NINJ2: variants seen among roughly 807,000 people sequenced by gnomAD.
The protein encoded by NINJ2 is ninjurin 2, also known as ninjurin-2.
A neutral mutation model predicts 11.7 loss-of-function variants in NINJ2; 12 were observed. The observed-to-expected ratio is 1.02, with a 90% CI of 0.66 to 1.66. The LOEUF is 1.66. Ranked by LOEUF, NINJ2 falls within the 40% of genes most tolerant of loss-of-function variation. NINJ2 has a pLI of 0.00. For missense variants in NINJ2, 187 were observed against 181.8 expected (o/e 1.03, Z -0.16); for synonymous variants, 93 against 76.8 (o/e 1.21, Z -1.10).
intron 1 of NINJ2, among the ~76,000 whole-genome samples, chr12:659,035 CTATTATA>C (rs1488543540): frequency 2.1e-5 from 3 of 144,194 alleles, no homozygotes; most frequent in Non-Finnish European, 4.5e-5. Flanking sequence ...TATATAACTG[CTATTATA>C]TATTATATAT....
intron 1 of NINJ2, among the ~76,000 whole-genome samples, chr12:575,025 G>C (rs76509898): frequency 0.012 from 1,828 of 152,336 alleles, 40 homozygotes; most frequent in African/African-American, 0.042. Flanking sequence ...TGTGGGCCTA[G>C]AGGCATTTCA....
chr12:661,242 C>T (rs961852949), intron 1 of NINJ2, among the ~76,000 whole-genome samples: 1 of 152,100 alleles, frequency 6.6e-6, no homozygotes, highest in Non-Finnish European at 1.5e-5. Context: ...CCATGCCTAG[C>T]TAATTACTTT....
intron 1 of NINJ2, among the ~76,000 whole-genome samples, chr12:616,511 C>G (rs1414127788): frequency 6.6e-6 from 1 of 152,184 alleles, no homozygotes. Context: ...ATCATCTGTG[C>G]GTGAGCTTCA....
chr12:652,402 T>C (rs914812154), intron 1 of NINJ2, among the ~76,000 whole-genome samples: 9 of 152,306 alleles, frequency 5.9e-5, no homozygotes, highest in African/African-American at 2.2e-4. Flanking sequence ...AGTAGCTCTG[T>C]CTTGCAAGAA....
intron 1 of NINJ2, among the ~76,000 whole-genome samples, chr12:642,448 C>A (rs1046436031): frequency 4.6e-5 from 7 of 152,162 alleles, no homozygotes; most frequent in Non-Finnish European, 2.9e-5. Context: ...CCAGGATGGT[C>A]TTGAACTCCT....
chr12:657,892 A>G (rs909354750), intron 1 of NINJ2, among the ~76,000 whole-genome samples: 16 of 151,624 alleles, frequency 1.1e-4, no homozygotes, highest in Non-Finnish European at 1.8e-4. Flanking sequence ...TTCTTCCAAA[A>G]CTCAACACAC....
intron 1 of NINJ2, among the ~76,000 whole-genome samples, chr12:602,661 C>T (rs117957685): frequency 0.051 from 7,793 of 152,228 alleles, 261 homozygotes; most frequent in Non-Finnish European, 0.074. Flanking sequence ...CTGTGATTAG[C>T]TTTTTGAGGA....
At chr12:649,777 A>G (rs1319767308) in intron 1 of NINJ2, among the ~76,000 whole-genome samples, 1 of 151,984 alleles carries the variant, frequency 6.6e-6, no homozygotes, top group Non-Finnish European at 1.5e-5. Flanking sequence ...TTTTTCCAAT[A>G]GTTTTCCTAC....
intron 1 of NINJ2, among the ~76,000 whole-genome samples, chr12:611,325 T>C (rs1009026072): frequency 6.6e-6 from 1 of 151,142 alleles, no homozygotes; most frequent in Admixed American, 6.6e-5. Flanking sequence ...CTCTCTCTCT[T>C]TCTTTCTTTT....
Position 565,336 on chromosome 12 carries a change from T to C in NINJ2, c.328A>G (p.Ile110Val), listed in dbSNP as rs753801235. The C allele has an allele frequency of 3.7e-6, 6 of 1,614,214 alleles. No homozygotes were observed. The East Asian group carries it at 8.9e-5, about 24-fold the overall frequency. The change falls in exon 3 of 4, where the codon ATC (isoleucine) becomes GTC (valine). Residue 110 changes from isoleucine (I) to valine (V), a missense_variant. Physicochemically the swap from Ile to Val is conservative, Grantham distance 29. Transcript: ENST00000305108. The stretch of plus-strand genomic sequence containing the variant: ...ATGACCACAGTGAAGAAGACCAAGA[T>C]GGTGGCTGCGTTGTTGAGCTGGTTG... ...RLNQLNNAAT[I>V]LVFFTVVINV... is the part of the protein sequence containing the mutation.
intron 1 of NINJ2, among the ~76,000 whole-genome samples, chr12:588,176 C>CGGAGGGGACGGAAGGGAG (rs1947668163): frequency 7.0e-6 from 1 of 142,412 alleles, no homozygotes; most frequent in African/African-American, 2.6e-5. Context: ...ACGGAAGGGA[C>CGGAGGGGACGGAAGGGAG]GGAAGGGACG....
At chr12:601,376 C>T (rs577671704) in intron 1 of NINJ2, among the ~76,000 whole-genome samples, 133 of 150,352 alleles carry the variant, frequency 8.8e-4, no homozygotes, top group African/African-American at 3.2e-3. Context: ...GAAACCCCGT[C>T]TCTACTAAAA....
At chr12:624,530 C>T (rs562914276) in intron 1 of NINJ2, among the ~76,000 whole-genome samples, 78 of 152,054 alleles carry the variant, frequency 5.1e-4, no homozygotes, top group Admixed American at 3.3e-4. Flanking sequence ...TATATATGGC[C>T]GGGCACAGTG....
In NINJ2 at chr12:663,320, G is replaced by T. The variant is rs772988704; in HGVS notation, c.33+8C>A. The T allele has an allele frequency of 3.7e-6, 6 of 1,613,672 alleles. No homozygotes were observed. Among genetic ancestry groups the T allele is most frequent in the Non-Finnish European group, 4.2e-6 (5 of 1,179,728 alleles). ...TCTCCCCTCTGCTCTCTTCCAGAGA[G>T]AACTTACTTGAAGGTCGATGTTTTC... On this transcript the variant is annotated splice_region_variant and intron_variant, in intron 1 of 3. Transcript: ENST00000305108.
At chr12:660,289 TAAAAA>T (rs776762900) in intron 1 of NINJ2, among the ~76,000 whole-genome samples, 1 of 107,732 alleles carries the variant, frequency 9.3e-6, no homozygotes, top group Non-Finnish European at 1.8e-5. Flanking sequence ...TCCTGTCTGT[TAAAAA>T]AAAAAAAAAA....
intron 1 of NINJ2, among the ~76,000 whole-genome samples, chr12:613,681 A>G (rs918407835): frequency 1.3e-5 from 2 of 152,148 alleles, no homozygotes; most frequent in South Asian, 2.1e-4. Context: ...TGAGGCGGGC[A>G]GATCACGAGG....
At chr12:626,776 T>C (rs1180727259) in intron 1 of NINJ2, among the ~76,000 whole-genome samples, 1 of 152,104 alleles carries the variant, frequency 6.6e-6, no homozygotes, top group Admixed American at 6.6e-5. Flanking sequence ...CCAAATGGGG[T>C]ACTATTAAGA....
rs1386275971 is a variant in NINJ2 at position 610,755 on chromosome 12, C to T, written c.34-44577G>A. ...TTTTTTTTTTTTTTTTTTTTTGAGA[C>T]GGAGTTTCGCTCTTGTTGCCCAGGC... On this transcript the variant is annotated intron_variant, in intron 1 of 3. Transcript: ENST00000305108. 24 of 291,524 alleles carry T rather than the reference C, an allele frequency of 8.2e-5. No homozygotes were observed. The East Asian group carries it at 2.5e-3, about 30-fold the overall frequency. 18.1% of individuals were successfully genotyped at this position (291,524 alleles called of 1,614,324 possible). A position where few individuals can be genotyped will look rare whatever the true frequency, so the allele number is the denominator to read the frequency against.
At chr12:607,040 C>G (rs943987331) in intron 1 of NINJ2, among the ~76,000 whole-genome samples, 2 of 152,176 alleles carry the variant, frequency 1.3e-5, no homozygotes, top group African/African-American at 4.8e-5. Flanking sequence ...CACCAGATAC[C>G]CTTGTAATAA....
Sources: gnomAD v4.1 joint callset for allele counts (sites outside exome capture counted in the v4.1 genomes callset) on GRCh38, gnomAD v4.1.1 for gene constraint, MANE v1.5 for transcripts, NCBI Gene and HGNC (gene_info 2026-07-23, HGNC 2026-07-21) for gene names.